The following FKBP3 variants were observed in gnomAD, a reference collection of about 807,000 sequenced individuals.
FKBP3 encodes the protein peptidyl-prolyl cis-trans isomerase FKBP3.
A neutral mutation model predicts 30.6 loss-of-function variants in FKBP3; 21 were observed. That is an observed-to-expected ratio of 0.69 (90% CI 0.49 to 0.99). The LOEUF is 0.99. Ranked by LOEUF, FKBP3 falls within the 50% of genes least tolerant of loss-of-function variation. The pLI is 0.00. For synonymous variants in FKBP3, 82 were observed against 91.3 expected (o/e 0.90, Z 0.58); for missense variants, 283 against 261.6 (o/e 1.08, Z -0.56).
chr14:45,133,144 C>T (rs1885260442), intron 1 of FKBP3, among the ~76,000 whole-genome samples: 1 of 152,178 alleles, frequency 6.6e-6, no homozygotes, highest in Non-Finnish European at 1.5e-5. Flanking sequence ...CCTGTCATGA[C>T]GCCCGCCCAA....
intron 1 of FKBP3, among the ~76,000 whole-genome samples, 163 bp downstream of exon 1, chr14:45,134,186 A>G (rs574196999): frequency 7.1e-4 from 108 of 152,326 alleles, no homozygotes; most frequent in Admixed American, 1.4e-3. Context: ...GAGAGGCGGG[A>G]GCGAGGCACC....
chr14:45,127,835 T>C (rs555144867), intron 3 of FKBP3, among the ~76,000 whole-genome samples: 40 of 152,148 alleles, frequency 2.6e-4, no homozygotes, highest in Non-Finnish European at 5.3e-4. Context: ...TTTTTAACAT[T>C]CTGGGTATGA....
In FKBP3 at chr14:45,134,334, C is replaced by T; in HGVS notation, c.108+15G>A. The T allele has an allele frequency of 6.2e-7, 1 of 1,604,996 alleles. No individual in the cohort carries two copies. The highest frequency in any genetic ancestry group is 8.5e-7 in the Non-Finnish European group (1 of 1,172,368). ...CTCAGCCGCACCAGCCCGGCCGCCC[C>T]TACGCCTCTGGTACCGAATCTGAAC... On this transcript the variant is annotated intron_variant, in intron 1 of 6. Coordinates refer to ENST00000396062, the MANE Select transcript of FKBP3 (RefSeq NM_002013.4).
Position 45,120,686 on chromosome 14 carries a change from A to G in FKBP3, c.522+201T>C, listed in dbSNP as rs559437849. On this transcript the variant is annotated intron_variant, in intron 5 of 6. Transcript: ENST00000396062. ...ATCTTCTAAAAACCTTGAGGTAGGC[A>G]GTACTGTCCTCATTTTATATGTAGC... Among the ~76,000 whole-genome samples, 4 of 152,344 alleles carry G rather than the reference A, an allele frequency of 2.6e-5. No homozygotes were observed. The South Asian group carries it at 8.3e-4, about 32-fold the overall frequency.
intron 1 of FKBP3, 71 bp from the exon 2 acceptor site, chr14:45,130,871 T>G (rs762946037): frequency 6.5e-5 from 53 of 813,344 alleles, no homozygotes; most frequent in Non-Finnish European, 9.5e-5. Context: ...TAGAAAACGA[T>G]CCTTTTATGT....
At chr14:45,125,994 G>A (rs1003960975) in intron 3 of FKBP3, among the ~76,000 whole-genome samples, 1 of 151,962 alleles carries the variant, frequency 6.6e-6, no homozygotes. Flanking sequence ...TGGCTCCCAG[G>A]CTCAAAGGAT....
chr14:45,116,695 A>C (rs918278426), intron 6 of FKBP3, among the ~76,000 whole-genome samples: 3 of 151,820 alleles, frequency 2.0e-5, no homozygotes, highest in African/African-American at 4.8e-5. Context: ...GTCTCTACTA[A>C]AAATACAAAA....
intron 3 of FKBP3, among the ~76,000 whole-genome samples, chr14:45,126,770 G>C (rs961274592): frequency 6.6e-6 from 1 of 152,080 alleles, no homozygotes; most frequent in East Asian, 2.0e-4. Context: ...GATCACTGGA[G>C]CCCACGAGTT....
intron 3 of FKBP3, among the ~76,000 whole-genome samples, chr14:45,122,374 C>G (rs760064681): frequency 3.3e-5 from 5 of 152,150 alleles, no homozygotes; most frequent in Non-Finnish European, 7.3e-5. Flanking sequence ...TCTGCATTAT[C>G]CAAATCTATA....
intron 1 of FKBP3, among the ~76,000 whole-genome samples, chr14:45,131,486 G>T (rs1885212576): frequency 6.6e-6 from 1 of 151,930 alleles, no homozygotes; most frequent in South Asian, 2.1e-4. Context: ...ACAAAATTTA[G>T]CTGGCCATGG....
intron 5 of FKBP3, among the ~76,000 whole-genome samples, chr14:45,119,547 C>T (rs1884935585): frequency 6.6e-6 from 1 of 151,408 alleles, no homozygotes; most frequent in Non-Finnish European, 1.5e-5. Flanking sequence ...CCAGCCTGGA[C>T]AACAAGAGCA....
chr14:45,119,410 C>T (rs1884931181), intron 5 of FKBP3, among the ~76,000 whole-genome samples: 1 of 151,906 alleles, frequency 6.6e-6, no homozygotes, highest in Non-Finnish European at 1.5e-5. Context: ...CCCATCTCTA[C>T]TAGGAATGCA....
At chr14:45,134,309 C>G in intron 1 of FKBP3, 40 bp downstream of exon 1, 1 of 1,501,084 alleles carries the variant, frequency 6.7e-7, no homozygotes, top group East Asian at 2.3e-5. Context: ...TGAGGCGTCC[C>G]TCAGCCGCAC....
chr14:45,121,381 T>C (rs1414102503), intron 4 of FKBP3, 104 bp downstream of exon 4: 1 of 864,410 alleles, frequency 1.2e-6, no homozygotes. Context: ...TGGATGAAAG[T>C]AGGTGACAGT....
intron 1 of FKBP3, among the ~76,000 whole-genome samples, 193 bp downstream of exon 1, chr14:45,134,156 T>C (rs1177324291): frequency 6.6e-6 from 1 of 152,220 alleles, no homozygotes; most frequent in Non-Finnish European, 1.5e-5. Flanking sequence ...GCTGCTCCCC[T>C]GCCCCAGTAG....
intron 1 of FKBP3, among the ~76,000 whole-genome samples, chr14:45,131,817 G>C (rs1372289024): frequency 6.6e-6 from 1 of 152,064 alleles, no homozygotes; most frequent in Non-Finnish European, 1.5e-5. Context: ...CACACAGTAA[G>C]AACTTAATAA....
At chr14:45,117,877 G>A in intron 6 of FKBP3, 151 bp downstream of exon 6, 1 of 619,632 alleles carries the variant, frequency 1.6e-6, no homozygotes, top group Non-Finnish European at 2.8e-6. Flanking sequence ...TATTGGAGGT[G>A]CTGACACATA....
intron 1 of FKBP3, 49 bp from the exon 2 acceptor site, chr14:45,130,849 A>AGCT: frequency 9.1e-7 from 1 of 1,098,642 alleles, no homozygotes; most frequent in Non-Finnish European, 1.4e-6. Context: ...CCGAGTAAGA[A>AGCT]GTGTCTAAAA....
chr14:45,134,479 A>T lies in FKBP3; in HGVS notation c.-23T>A. ...CATCTTCCCCCGCTGCCTCCGCTTTACTGAGCCAGCCCGCCGCAGTTCGGC... is the reference window on the plus strand; with the variant it reads ...CATCTTCCCCCGCTGCCTCCGCTTTTCTGAGCCAGCCCGCCGCAGTTCGGC... On this transcript the variant is annotated 5_prime_UTR_variant, in exon 1 of 7. Transcript: ENST00000396062. 6.3e-7 allele frequency: 1 copy of T among 1,597,594 alleles called. No homozygotes were observed. The highest frequency in any genetic ancestry group is 8.5e-7 in the Non-Finnish European group (1 of 1,170,008).
Sources: gnomAD v4.1 joint callset for allele counts (sites outside exome capture counted in the v4.1 genomes callset) on GRCh38, gnomAD v4.1.1 for gene constraint, MANE v1.5 for transcripts, NCBI Gene and HGNC (gene_info 2026-07-23, HGNC 2026-07-21) for gene names.